The following PPIG variants were observed in gnomAD, a reference collection of about 807,000 sequenced individuals.
PPIG encodes peptidylprolyl isomerase G.
In PPIG, 26 loss-of-function variants were observed where a neutral mutation model predicts 87.9. The observed-to-expected ratio is 0.30, with a 90% CI of 0.22 to 0.41. The LOEUF (loss-of-function observed/expected upper bound fraction) is 0.41, where lower values mean the gene tolerates loss of function less well. Ranked by LOEUF, PPIG falls within the 10% of genes least tolerant of loss-of-function variation. PPIG has a pLI of 1.00. For synonymous variants in PPIG, 308 were observed against 276.5 expected, an observed-to-expected ratio of 1.11 and a Z score of -1.13; for missense variants, 722 against 879.4, an observed-to-expected ratio of 0.82 and a Z score of 2.26.
intron 1 of PPIG, among the ~76,000 whole-genome samples, chr2:169,598,237 A>G (rs553484072): frequency 1.3e-5 from 2 of 152,146 alleles, no homozygotes; most frequent in East Asian, 3.9e-4. Context: ...GGACTCAAGC[A>G]ATCCACCTGT....
intron 9 of PPIG, among the ~76,000 whole-genome samples, chr2:169,617,531 C>G (rs1439824043): frequency 6.6e-6 from 1 of 152,052 alleles, no homozygotes; most frequent in Admixed American, 6.6e-5. Flanking sequence ...CTCTTATTTC[C>G]TTGAGCAGTG....
At chr2:169,613,658 A>G (rs1344343359) in intron 7 of PPIG, among the ~76,000 whole-genome samples, 2 of 152,140 alleles carry the variant, frequency 1.3e-5, no homozygotes, top group Non-Finnish European at 2.9e-5. Context: ...CAGCGGGGCA[A>G]TGACTCATAC....
intron 7 of PPIG, among the ~76,000 whole-genome samples, chr2:169,610,570 C>T (rs1229896426): frequency 6.6e-6 from 1 of 152,020 alleles, no homozygotes; most frequent in Non-Finnish European, 1.5e-5. Flanking sequence ...TCCCACCCAA[C>T]CCTTCCACTC....
At chr2:169,603,530 T>TG (rs1332178258) in intron 1 of PPIG, 112 bp from the exon 2 acceptor site, 5 of 149,004 alleles carry the variant, frequency 3.4e-5, no homozygotes, top group African/African-American at 1.2e-4. Context: ...TATATACTAT[T>TG]TAACAATAGT....
intron 1 of PPIG, among the ~76,000 whole-genome samples, chr2:169,593,813 A>AT (rs376892159): frequency 0.56 from 78,286 of 138,718 alleles, 23,981 homozygotes; most frequent in Admixed American, 0.71. Context: ...TGCCCGGCTA[A>AT]TTTTTTTTTT....
intron 1 of PPIG, among the ~76,000 whole-genome samples, chr2:169,590,406 C>T (rs1237390024): frequency 3.3e-5 from 5 of 151,934 alleles, no homozygotes; most frequent in East Asian, 3.9e-4. Context: ...TTTGGGAGGC[C>T]GAGGCAGGCG....
At position 169,641,394 on chromosome 2, in the gene PPIG, A is replaced by G. The variant is rs1686307062; in HGVS notation, c.*3871A>G. 1 of 152,216 alleles carries G rather than the reference A, an allele frequency of 6.6e-6. No homozygotes were observed. The highest frequency in any genetic ancestry group is 2.4e-5 in the African/African-American group (1 of 41,464). The allele number at this position is 152,216 out of a possible 1,614,324, so 9.4% of individuals were successfully genotyped here. A position where few individuals can be genotyped will look rare whatever the true frequency, so the allele number is the denominator to read the frequency against. ...AGTTAAACATTGTATTAAATAAACT[A>G]TACTATAATAAACAGTTTGGTTTTG... is the stretch of plus-strand genomic sequence containing the variant. On this transcript the variant is annotated 3_prime_UTR_variant, in exon 14 of 14. Transcript: ENST00000260970.
chr2:169,612,880 A>G (rs988315754), intron 7 of PPIG, among the ~76,000 whole-genome samples: 1 of 152,108 alleles, frequency 6.6e-6, no homozygotes, highest in South Asian at 2.1e-4. Flanking sequence ...GTTATATGCT[A>G]ATACTCTGTT....
chr2:169,615,740 A>G (rs993311188), intron 9 of PPIG, among the ~76,000 whole-genome samples: 7 of 152,176 alleles, frequency 4.6e-5, no homozygotes, highest in Admixed American at 2.0e-4. Context: ...GCTATTGTGA[A>G]TAATGCAGCA....
At chr2:169,599,999 G>A (rs902696573) in intron 1 of PPIG, among the ~76,000 whole-genome samples, 17 of 151,812 alleles carry the variant, frequency 1.1e-4, no homozygotes, top group African/African-American at 4.1e-4. Context: ...TCATATCCAG[G>A]GTTCAGGTAA....
rs774775388 is a variant in PPIG at position 169,604,120 on chromosome 2, C to T, written c.61+18C>T. On this transcript the variant is annotated intron_variant, in intron 3 of 13. Transcript: ENST00000260970. ...TCAACCTGGTAAGAATATTAGTTGA[C>T]ATTTATAAATGGGTGTTTAATATTT... The T allele has an allele frequency of 4.5e-5, 72 of 1,610,548 alleles. No homozygotes were observed. Among genetic ancestry groups the T allele is most frequent in the Admixed American group, 3.3e-5 (2 of 59,976 alleles).
intron 9 of PPIG, among the ~76,000 whole-genome samples, chr2:169,621,721 T>C (rs1574458120): frequency 6.6e-6 from 1 of 151,480 alleles, no homozygotes; most frequent in South Asian, 2.1e-4. Context: ...ATTTATTCTC[T>C]ACTTGACAAC....
At chr2:169,612,009 T>C (rs1388468632) in intron 7 of PPIG, among the ~76,000 whole-genome samples, 1 of 152,212 alleles carries the variant, frequency 6.6e-6, no homozygotes, top group Non-Finnish European at 1.5e-5. Context: ...AGAGTCTTGC[T>C]CTGTTGCCCA....
intron 9 of PPIG, among the ~76,000 whole-genome samples, chr2:169,627,916 C>T (rs1291434447): frequency 6.6e-6 from 1 of 151,938 alleles, no homozygotes; most frequent in Non-Finnish European, 1.5e-5. Flanking sequence ...ATTTTGCTTG[C>T]ACAATTTTAT....
chr2:169,611,261 A>C (rs2683439), intron 7 of PPIG, among the ~76,000 whole-genome samples: 1 of 151,910 alleles, frequency 6.6e-6, no homozygotes, highest in Non-Finnish European at 1.5e-5. Context: ...AAAGAAAGAA[A>C]ACACAGATAA....
chr2:169,607,798 A>G (rs1574447993), intron 6 of PPIG, among the ~76,000 whole-genome samples: 1 of 152,354 alleles, frequency 6.6e-6, no homozygotes, highest in South Asian at 2.1e-4. Flanking sequence ...CAGACTAAAT[A>G]ATACTCTGTG....
chr2:169,591,900 G>A (rs1450193289), intron 1 of PPIG, among the ~76,000 whole-genome samples: 1 of 140,560 alleles, frequency 7.1e-6, no homozygotes, highest in Admixed American at 7.2e-5. Flanking sequence ...TTATATTCTA[G>A]TATTTTTAGG....
chr2:169,592,455 C>T (rs1207958332), intron 1 of PPIG, among the ~76,000 whole-genome samples: 2 of 152,010 alleles, frequency 1.3e-5, no homozygotes, highest in African/African-American at 4.8e-5. Flanking sequence ...CAGGCGCCCA[C>T]CACCACGCCC....
At position 169,631,792 on chromosome 2, in the gene PPIG, A is replaced by G; in HGVS notation, c.788A>G (p.Asn263Ser). 6.2e-7 allele frequency: 1 copy of G among 1,613,834 alleles called. No individual in the cohort carries two copies. Among genetic ancestry groups the G allele is most frequent in the Non-Finnish European group, 8.5e-7 (1 of 1,179,820 alleles). Residue 263 changes from asparagine to serine, a missense_variant, in exon 11 of 14, where the codon AAT (asparagine) becomes AGT (serine). Physicochemically the swap from Asn to Ser is conservative, Grantham distance 46. Around this residue, in one of 4 missense-constraint regions of PPIG, gnomAD observed 142 missense variants for 152.8 expected, o/e 0.93. Coordinates refer to ENST00000260970, the MANE Select transcript of PPIG (RefSeq NM_004792.3). ...GCATCTAGTGAGAGTGAAGCTGAAA[A>G]TCTTGAAGCACAACCCCAGTCTACT... ...KSASSESEAE[N>S]LEAQPQSTVR... is the part of the protein sequence containing the mutation.
Sources: gnomAD v4.1 joint callset for allele counts (sites outside exome capture counted in the v4.1 genomes callset) on GRCh38, gnomAD v4.1.1 for gene constraint, gnomAD v4.1.1 regional missense constraint, MANE v1.5 for transcripts, NCBI Gene and HGNC (gene_info 2026-07-23, HGNC 2026-07-21) for gene names.